FARS2: variants seen among roughly 807,000 people sequenced by gnomAD.
FARS2 encodes phenylalanine--tRNA ligase, mitochondrial.
Under a neutral mutation model 46.4 loss-of-function variants are expected in FARS2, and 40 were observed. That is an observed-to-expected ratio of 0.86 (90% confidence interval 0.67 to 1.12). The LOEUF (loss-of-function observed/expected upper bound fraction) is 1.12, where lower values mean the gene tolerates loss of function less well. Among genes scored for constraint, FARS2 ranks in the 50% most tolerant of loss-of-function variants. The pLI is 0.00. For missense variants in FARS2, 513 were observed against 567.9 expected (o/e 0.90, Z 0.98); for synonymous variants, 234 against 214.9 (o/e 1.09, Z -0.78).
At chr6:5,707,210 A>G (rs1409481837) in intron 6 of FARS2, among the ~76,000 whole-genome samples, 1 of 151,756 alleles carries the variant, frequency 6.6e-6, no homozygotes, top group Non-Finnish European at 1.5e-5. Flanking sequence ...GCATGGACCT[A>G]CCCCAAGCCG....
intron 6 of FARS2, among the ~76,000 whole-genome samples, chr6:5,767,004 A>G (rs1400606310): frequency 2.0e-5 from 3 of 151,350 alleles, no homozygotes; most frequent in African/African-American, 7.3e-5. Flanking sequence ...ATTCCTTTTT[A>G]TGGCTAAATA....
At chr6:5,479,023 ATTAG>A (rs1766287549) in intron 4 of FARS2, among the ~76,000 whole-genome samples, 1 of 152,202 alleles carries the variant, frequency 6.6e-6, no homozygotes, top group Non-Finnish European at 1.5e-5. Context: ...TGTAAAAGCA[ATTAG>A]TTTGTTTGTT....
At chr6:5,703,072 G>A (rs1196073038) in intron 6 of FARS2, among the ~76,000 whole-genome samples, 1 of 152,122 alleles carries the variant, frequency 6.6e-6, no homozygotes, top group African/African-American at 2.4e-5. Context: ...AACTTCCATA[G>A]GTAAAACTTT....
chr6:5,631,288 A>G (rs1776280776), intron 6 of FARS2, among the ~76,000 whole-genome samples: 1 of 152,212 alleles, frequency 6.6e-6, no homozygotes, highest in Non-Finnish European at 1.5e-5. Flanking sequence ...ATCTATTTAA[A>G]TATGAATCCC....
intron 4 of FARS2, among the ~76,000 whole-genome samples, chr6:5,504,276 A>G (rs1201974877): frequency 6.6e-6 from 1 of 152,190 alleles, no homozygotes; most frequent in Non-Finnish European, 1.5e-5. Flanking sequence ...ATAATATTGC[A>G]TCATCCACAT....
chr6:5,472,084 C>T (rs1484352745), intron 4 of FARS2, among the ~76,000 whole-genome samples: 2 of 152,178 alleles, frequency 1.3e-5, no homozygotes, highest in Non-Finnish European at 2.9e-5. Flanking sequence ...ATAAAGCATG[C>T]TCAGCCCCCT....
intron 1 of FARS2, among the ~76,000 whole-genome samples, chr6:5,279,960 A>G (rs1416798135): frequency 1.3e-5 from 2 of 152,244 alleles, no homozygotes; most frequent in Non-Finnish European, 2.9e-5. Context: ...GGGCACCCCA[A>G]GGCCCAGTCA....
At chr6:5,668,136 T>C (rs923034491) in intron 6 of FARS2, 1 of 152,266 alleles carries the variant, frequency 6.6e-6, no homozygotes, top group African/African-American at 2.4e-5. Context: ...GAGAGGTTTT[T>C]AAATTTGAAA....
At chr6:5,427,030 T>G (rs1037396403) in intron 3 of FARS2, among the ~76,000 whole-genome samples, 2 of 152,210 alleles carry the variant, frequency 1.3e-5, no homozygotes, top group Non-Finnish European at 2.9e-5. Flanking sequence ...CTATTTATGT[T>G]TGAAGTAGAG....
At chr6:5,620,257 C>T (rs1379885334) in intron 6 of FARS2, among the ~76,000 whole-genome samples, 1 of 152,108 alleles carries the variant, frequency 6.6e-6, no homozygotes, top group Non-Finnish European at 1.5e-5. Context: ...ATCTCCAGTG[C>T]CCCCTTGGTA....
At chr6:5,706,689 G>T (rs1758785818) in intron 6 of FARS2, among the ~76,000 whole-genome samples, 1 of 152,196 alleles carries the variant, frequency 6.6e-6, no homozygotes, top group African/African-American at 2.4e-5. Context: ...CGAATCACTG[G>T]CCATGTTTTA....
At chr6:5,557,541 G>T (rs76519142) in intron 5 of FARS2, among the ~76,000 whole-genome samples, 8,972 of 152,150 alleles carry the variant, frequency 0.059, 310 homozygotes, top group African/African-American at 0.087. Context: ...TACTGAGCTC[G>T]TGTCAATAAA....
At chr6:5,316,888 A>G (rs946877002) in intron 1 of FARS2, among the ~76,000 whole-genome samples, 2 of 152,144 alleles carry the variant, frequency 1.3e-5, no homozygotes, top group African/African-American at 2.4e-5. Context: ...AACTGACCCA[A>G]GGGATGGGAA....
chr6:5,640,211 C>A (rs756764475), intron 6 of FARS2, among the ~76,000 whole-genome samples: 1 of 152,002 alleles, frequency 6.6e-6, no homozygotes, highest in African/African-American at 2.4e-5. Context: ...CGTGTACACA[C>A]GTACTTGCAC....
chr6:5,641,344 T>G (rs1181869118), intron 6 of FARS2, among the ~76,000 whole-genome samples: 2 of 152,166 alleles, frequency 1.3e-5, no homozygotes, highest in African/African-American at 4.8e-5. Flanking sequence ...TCACCGAGGC[T>G]GGAGTGCAGT....
chr6:5,252,724 A>G, the FARS2 span, among the ~76,000 whole-genome samples: 1 of 152,176 alleles, frequency 6.6e-6, no homozygotes, highest in Non-Finnish European at 1.5e-5. Flanking sequence ...TCCTCCTGGA[A>G]AGCTTTACCC....
At chr6:5,609,334 A>G (rs1582574350) in intron 5 of FARS2, 2 of 1,178,508 alleles carry the variant, frequency 1.7e-6, no homozygotes, top group East Asian at 2.3e-5. Flanking sequence ...TAGGGACCAG[A>G]GCTTCTGCCT....
At chr6:5,709,927 G>A (rs1759035809) in intron 6 of FARS2, among the ~76,000 whole-genome samples, 1 of 152,188 alleles carries the variant, frequency 6.6e-6, no homozygotes, top group Non-Finnish European at 1.5e-5. Flanking sequence ...CCCAGGATGA[G>A]GGGGATCTCC....
At chr6:5,322,637 C>G (rs1245560866) in intron 1 of FARS2, among the ~76,000 whole-genome samples, 1 of 152,170 alleles carries the variant, frequency 6.6e-6, no homozygotes, top group African/African-American at 2.4e-5. Flanking sequence ...GAGGGCTCAT[C>G]TTCTTGAGTG....
Sources: allele counts gnomAD v4.1 joint callset (sites outside exome capture counted in the v4.1 genomes callset), GRCh38; gene constraint gnomAD v4.1.1; transcripts MANE v1.5; gene names NCBI Gene and HGNC (gene_info 2026-07-23, HGNC 2026-07-21).